SNX13: variants seen among roughly 807,000 people sequenced by gnomAD.
SNX13 encodes sorting nexin 13.
A neutral mutation model predicts 133.6 loss-of-function variants in SNX13; 45 were observed. The ratio of observed to expected loss-of-function variants is 0.34; its 90% CI spans 0.27 to 0.43. The LOEUF is 0.43. SNX13 is among the 20% of genes least tolerant of loss of function. The pLI is 1.00. For synonymous variants in SNX13, 414 were observed against 373.9 expected (o/e 1.11, Z -1.24); for missense variants, 1,032 against 1,145.1 (o/e 0.90, Z 1.43).
chr7:17,895,270 G>GTTT (rs1583665263), intron 2 of SNX13, among the ~76,000 whole-genome samples: 1 of 152,096 alleles, frequency 6.6e-6, no homozygotes, highest in East Asian at 1.9e-4. Context: ...AACTGTAGTT[G>GTTT]GGTGCCATAA....
intron 1 of SNX13, among the ~76,000 whole-genome samples, chr7:17,923,919 A>G (rs1285715220): frequency 1.3e-5 from 2 of 152,354 alleles, no homozygotes; most frequent in East Asian, 3.9e-4. Flanking sequence ...TTCTATAAAT[A>G]TATACACCAT....
chr7:17,848,821 A>G (rs1194459560), intron 11 of SNX13, among the ~76,000 whole-genome samples: 1 of 152,202 alleles, frequency 6.6e-6, no homozygotes, highest in Non-Finnish European at 1.5e-5. Flanking sequence ...AGCAGTAAAC[A>G]AGACACCCCT....
intron 13 of SNX13, among the ~76,000 whole-genome samples, chr7:17,838,541 A>C (rs929871026): frequency 6.6e-6 from 1 of 151,756 alleles, no homozygotes; most frequent in Middle Eastern, 3.4e-3. Flanking sequence ...TCATTTCTAG[A>C]TTTTTAAGTA....
At chr7:17,799,902 A>G (rs1784436323) in intron 22 of SNX13, among the ~76,000 whole-genome samples, 1 of 151,800 alleles carries the variant, frequency 6.6e-6, no homozygotes, top group Non-Finnish European at 1.5e-5. Context: ...TTCATCACTG[A>G]GAAACTGTTT....
chr7:17,891,466 A>C (rs1796618892), intron 4 of SNX13, 80 bp downstream of exon 4: 6 of 1,013,666 alleles, frequency 5.9e-6, no homozygotes, highest in Non-Finnish European at 8.7e-6. Flanking sequence ...TAAAGAGCAA[A>C]AAGTATTTCC....
At position 17,803,489 on chromosome 7, in the gene SNX13, G is replaced by C; in HGVS notation, c.2156C>G (p.Thr719Ser). Residue 719 changes from threonine (T) to serine (S), a missense_variant, in exon 21 of 26, where the codon ACT becomes AGT. By Grantham distance (58) the Thr-to-Ser change is moderately conservative (BLOSUM62 1). Transcript: ENST00000428135. ...TTTGCCCATGTTGTCTGACATTTTA[G>C]TCATTCCCTCTGCCAAGCTATCAGG... ...SLPDSLAEGMTKMSDNMGKMS... is the reference protein window; with the variant it reads ...SLPDSLAEGMSKMSDNMGKMS... The C allele has an allele frequency of 3.7e-6, 6 of 1,612,324 alleles. No individual in the cohort carries two copies. Among genetic ancestry groups the C allele is most frequent in the Non-Finnish European group, 5.1e-6 (6 of 1,179,138 alleles).
intron 5 of SNX13, among the ~76,000 whole-genome samples, chr7:17,887,970 A>C (rs1796197880): frequency 6.6e-6 from 1 of 152,170 alleles, no homozygotes; most frequent in African/African-American, 2.4e-5. Flanking sequence ...TATGTTTCAC[A>C]GTATACAGCA....
At chr7:17,811,268 A>C (rs1785984342) in intron 20 of SNX13, among the ~76,000 whole-genome samples, 1 of 152,210 alleles carries the variant, frequency 6.6e-6, no homozygotes, top group African/African-American at 2.4e-5. Context: ...TCTCAGCCCA[A>C]AATCTCCTTA....
Position 17,803,600 on chromosome 7 carries a change from T to G in SNX13, c.2065-20A>C. ...GTCCATCTAAAGGGAAAAAAGATATTATACCATGACTTTATTGTACCAGAG... is the reference window on the plus strand; with the variant it reads ...GTCCATCTAAAGGGAAAAAAGATATGATACCATGACTTTATTGTACCAGAG... On this transcript the variant is annotated intron_variant, in intron 20 of 25. Coordinates refer to ENST00000428135, the MANE Select transcript of SNX13 (RefSeq NM_015132.5). 4 of 1,586,600 alleles carry G rather than the reference T, an allele frequency of 2.5e-6. No homozygotes were observed. Among genetic ancestry groups the G allele is most frequent in the Admixed American group, 1.8e-5 (1 of 56,224 alleles).
rs115304083 is a variant in SNX13 at position 17,815,840 on chromosome 7, T to C, written c.1953+342A>G. 2.5e-3 allele frequency among the ~76,000 whole-genome samples: 381 copies of C among 152,270 alleles called. 2 individuals are homozygous for C. The highest frequency in any genetic ancestry group is 0.01 in the Middle Eastern group (3 of 294). ...AGATTTGGGAAAAGGTGGTTTTTCT[T>C]CAAAATCTTGTAAATACATGACACA... On this transcript the variant is annotated intron_variant, in intron 19 of 25. Coordinates refer to ENST00000428135, the MANE Select transcript of SNX13 (RefSeq NM_015132.5).
At chr7:17,869,306 CT>C (rs1182836550) in intron 8 of SNX13, among the ~76,000 whole-genome samples, 1 of 152,136 alleles carries the variant, frequency 6.6e-6, no homozygotes, top group East Asian at 1.9e-4. Flanking sequence ...ATTATTTATT[CT>C]CAAAAATATT....
intron 2 of SNX13, among the ~76,000 whole-genome samples, 194 bp downstream of exon 2, chr7:17,897,140 C>T (rs1408908296): frequency 6.6e-6 from 1 of 151,960 alleles, no homozygotes; most frequent in Non-Finnish European, 1.5e-5. Context: ...TGAAGGACTA[C>T]CCATATTTCT....
chr7:17,818,543 T>C (rs1786929998), intron 18 of SNX13, among the ~76,000 whole-genome samples: 1 of 152,140 alleles, frequency 6.6e-6, no homozygotes, highest in South Asian at 2.1e-4. Context: ...ATTTAAAAGA[T>C]TATTTTAAAC....
intron 2 of SNX13, among the ~76,000 whole-genome samples, chr7:17,895,930 C>A (rs1184036183): frequency 3.9e-5 from 6 of 152,062 alleles, no homozygotes; most frequent in Admixed American, 3.3e-4. Context: ...CTCTGAAATC[C>A]TTTTCCTTCA....
chr7:17,866,552 T>C (rs894948118), intron 9 of SNX13, among the ~76,000 whole-genome samples: 1 of 152,124 alleles, frequency 6.6e-6, no homozygotes, highest in African/African-American at 2.4e-5. Flanking sequence ...AATAGAATAT[T>C]ATTCAGCCAT....
At chr7:17,864,728 CA>C (rs1793156783) in intron 9 of SNX13, among the ~76,000 whole-genome samples, 1 of 148,798 alleles carries the variant, frequency 6.7e-6, no homozygotes, top group African/African-American at 2.5e-5. Flanking sequence ...TCTCCAAGGT[CA>C]AGGATAAATA....
At chr7:17,848,992 T>C (rs913349658) in intron 11 of SNX13, among the ~76,000 whole-genome samples, 6 of 152,186 alleles carry the variant, frequency 3.9e-5, no homozygotes, top group Non-Finnish European at 8.8e-5. Flanking sequence ...AAGTCACCAG[T>C]GCATTCCTAC....
intron 20 of SNX13, among the ~76,000 whole-genome samples, chr7:17,812,982 G>T (rs10252592): frequency 6.6e-6 from 1 of 152,126 alleles, no homozygotes; most frequent in Non-Finnish European, 1.5e-5. Flanking sequence ...TGAGGGCTAG[G>T]GGAGGGATAG....
chr7:17,871,226 C>T (rs901826210), intron 8 of SNX13, among the ~76,000 whole-genome samples: 3 of 152,096 alleles, frequency 2.0e-5, no homozygotes, highest in Non-Finnish European at 4.4e-5. Flanking sequence ...AGGATGGTCT[C>T]GATCTCCTGA....
Sources: allele counts gnomAD v4.1 joint callset (sites outside exome capture counted in the v4.1 genomes callset), GRCh38; gene constraint gnomAD v4.1.1; transcripts MANE v1.5; gene names NCBI Gene and HGNC (gene_info 2026-07-23, HGNC 2026-07-21).